The following TAS1R2 variants were observed in gnomAD, a reference collection of about 807,000 sequenced individuals.
TAS1R2 encodes the protein taste receptor type 1 member 2.
Under a neutral mutation model 49.3 loss-of-function variants are expected in TAS1R2, and 47 were observed. The observed-to-expected ratio is 0.95, with a 90% confidence interval of 0.75 to 1.22. TAS1R2 has a LOEUF of 1.22. TAS1R2 is among the 50% of genes most tolerant of loss of function. TAS1R2 has a pLI of 0.00. For synonymous variants in TAS1R2, 479 were observed against 467.9 expected (o/e 1.02, Z -0.31); for missense variants, 1,155 against 1,122.1 (o/e 1.03, Z -0.42).
intron 2 of TAS1R2, among the ~76,000 whole-genome samples, chr1:18,857,035 C>T (rs970690515): frequency 1.3e-5 from 2 of 152,220 alleles, no homozygotes; most frequent in African/African-American, 4.8e-5. Flanking sequence ...GAACGCTTAT[C>T]ATCCCACTTT....
At chr1:18,839,986 A>T (rs767726279) in exon 6 of TAS1R2, 1 of 1,614,204 alleles carries the variant, frequency 6.2e-7, no homozygotes, top group Non-Finnish European at 8.5e-7. Flanking sequence ...TCTTGGGGTC[A>T]TCGGGGTCAG....
intron 2 of TAS1R2, 40 bp from the exon 3 acceptor site, chr1:18,855,026 T>A (rs577798551): frequency 2.5e-6 from 4 of 1,577,548 alleles, no homozygotes; most frequent in East Asian, 4.5e-5. Flanking sequence ...AGTGCCCCGC[T>A]GGGTGCTCTG....
At chr1:18,848,598 G>T (rs572302010) in intron 4 of TAS1R2, among the ~76,000 whole-genome samples, 2 of 152,128 alleles carry the variant, frequency 1.3e-5, no homozygotes, top group African/African-American at 4.8e-5. Flanking sequence ...GCAGGTGAGC[G>T]AGAGCAGAGC....
intron 3 of TAS1R2, among the ~76,000 whole-genome samples, chr1:18,851,684 C>T (rs1449214641): frequency 6.6e-6 from 1 of 152,118 alleles, no homozygotes; most frequent in Non-Finnish European, 1.5e-5. Context: ...TGGATTTACC[C>T]AACCTCCCAC....
chr1:18,845,039 C>T (rs1421844878), intron 4 of TAS1R2, among the ~76,000 whole-genome samples: 1 of 152,220 alleles, frequency 6.6e-6, no homozygotes, highest in Non-Finnish European at 1.5e-5. Flanking sequence ...AGATCTATTA[C>T]ATCAGATCTT....
exon 6 of TAS1R2, chr1:18,840,096 A>T (rs1933789801): frequency 6.2e-7 from 1 of 1,614,120 alleles, no homozygotes; most frequent in Non-Finnish European, 8.5e-7. Context: ...GGCCCCTGGT[A>T]GCGGACCCAG....
intron 1 of TAS1R2, among the ~76,000 whole-genome samples, chr1:18,858,768 T>G (rs1934187079): frequency 6.6e-6 from 1 of 152,202 alleles, no homozygotes; most frequent in South Asian, 2.1e-4. Flanking sequence ...TGCCATCACC[T>G]TCACCATTCT....
At chr1:18,855,655 G>A (rs74056648) in intron 2 of TAS1R2, among the ~76,000 whole-genome samples, 2 of 152,110 alleles carry the variant, frequency 1.3e-5, no homozygotes, top group South Asian at 2.1e-4. Context: ...AGCCCTGGCC[G>A]GGACTTCTCT....
chr1:18,840,200 C>T, exon 6 of TAS1R2: 1 of 1,614,192 alleles, frequency 6.2e-7, no homozygotes, highest in South Asian at 1.1e-5. Flanking sequence ...GATTGTGAAG[C>T]AGAGGGGAAA....
Position 18,857,324 on chromosome 1 carries a change from G to C in TAS1R2, c.483+7C>G, listed in dbSNP as rs1382277863. ...CCAGGTCCTTCTCCAGGGCCCAGGG[G>C]CCTCACCTGTGGAAGGAGAAATAGG... is the stretch of plus-strand genomic sequence containing the variant. On this transcript the variant is annotated splice_region_variant and intron_variant, in intron 2 of 5. Coordinates refer to ENST00000375371, the Ensembl canonical transcript of TAS1R2. 3.1e-6 allele frequency: 5 copies of C among 1,612,144 alleles called. No homozygotes were observed. Among genetic ancestry groups the C allele is most frequent in the Non-Finnish European group, 4.2e-6 (5 of 1,178,288 alleles).
chr1:18,859,445 C>G (rs1465419341), intron 1 of TAS1R2, 34 bp downstream of exon 1: 1 of 1,612,156 alleles, frequency 6.2e-7, no homozygotes, highest in Admixed American at 1.7e-5. Context: ...ACCCCATCCC[C>G]ACTGCCACTT....
chr1:18,840,300 T>G (rs753935826), exon 6 of TAS1R2: 46 of 1,613,956 alleles, frequency 2.9e-5, no homozygotes, highest in Non-Finnish European at 3.7e-5. Flanking sequence ...AGTGTCAGCA[T>G]CAGGAAGCAC....
At chr1:18,850,038 C>T (rs6675619) in intron 3 of TAS1R2, among the ~76,000 whole-genome samples, 56,573 of 151,606 alleles carry the variant, frequency 0.37, 10,835 homozygotes, top group East Asian at 0.44. Context: ...CCTGCAAAGG[C>T]CAATTGGGGT....
chr1:18,856,004 T>C (rs1339500528), intron 2 of TAS1R2, among the ~76,000 whole-genome samples: 3 of 152,182 alleles, frequency 2.0e-5, no homozygotes, highest in Non-Finnish European at 4.4e-5. Context: ...CCCTATAGTC[T>C]ATGCTTAACA....
intron 3 of TAS1R2, among the ~76,000 whole-genome samples, chr1:18,852,375 C>T (rs751561643): frequency 3.3e-5 from 5 of 152,206 alleles, no homozygotes; most frequent in Non-Finnish European, 7.3e-5. Context: ...CATGTGCCTG[C>T]CACAGGTCTG....
intron 3 of TAS1R2, among the ~76,000 whole-genome samples, chr1:18,852,274 T>A (rs556233561): frequency 6.6e-6 from 1 of 152,288 alleles, no homozygotes; most frequent in South Asian, 2.1e-4. Context: ...GGACACCACA[T>A]ACCATTTTGC....
In TAS1R2 at chr1:18,854,902, G is replaced by T; in HGVS notation, c.568C>A (p.His190Asn). 6.2e-7 allele frequency: 1 copy of T among 1,613,320 alleles called. No individual in the cohort carries two copies. The highest frequency in any genetic ancestry group is 8.5e-7 in the Non-Finnish European group (1 of 1,179,812). The change falls in exon 3 of 6, where the codon CAC becomes AAC. Residue 190 changes from histidine (H) to asparagine (N), a missense_variant. Coordinates refer to ENST00000375371, the Ensembl canonical transcript of TAS1R2. The surrounding 1 kb of genome is among the most constrained non-coding windows in gnomAD (Gnocchi z 4.9). Reference sequence around the variant, plus strand: ...ATCAGCTGCACCATGGCCTCGATGTGGTGGTCGGCGCTGGGTGTGGTACGC... The same window carrying T: ...ATCAGCTGCACCATGGCCTCGATGTTGTGGTCGGCGCTGGGTGTGGTACGC...
In TAS1R2 at chr1:18,859,476, C is replaced by T; in HGVS notation, c.182+3G>A. 4.3e-6 allele frequency: 7 copies of T among 1,613,974 alleles called. No homozygotes were observed. The highest frequency in any genetic ancestry group is 5.1e-6 in the Non-Finnish European group (6 of 1,179,904). On this transcript the variant is annotated splice_donor_region_variant and intron_variant, in intron 1 of 5. Transcript: ENST00000375371. ...CACTTCCAGCCCCACACTGGAGACT[C>T]ACTCCTTGCACATGGGCACCTGCAG...
chr1:18,857,301 A>C, intron 2 of TAS1R2, 30 bp downstream of exon 2: 1 of 1,601,436 alleles, frequency 6.2e-7, no homozygotes, highest in Non-Finnish European at 8.5e-7. Flanking sequence ...CCCCCTCCCC[A>C]GGTCCTTCTC....
Sources: allele counts gnomAD v4.1 joint callset (sites outside exome capture counted in the v4.1 genomes callset), GRCh38; gene constraint gnomAD v4.1.1; non-coding constraint Gnocchi (gnomAD v3.1); transcripts MANE v1.5; gene names NCBI Gene and HGNC (gene_info 2026-07-23, HGNC 2026-07-21).